The following HELT variants were observed in gnomAD, a reference collection of about 807,000 sequenced individuals.
The protein encoded by HELT is helt bHLH transcription factor.
In HELT, 9 loss-of-function variants were observed where a neutral mutation model predicts 19.5. That is an observed-to-expected ratio of 0.46 (90% CI 0.28 to 0.80). The LOEUF (loss-of-function observed/expected upper bound fraction) is 0.80, where lower values mean the gene tolerates loss of function less well. Among genes scored for constraint, HELT ranks in the 30% least tolerant of loss-of-function variants. The pLI is 0.12. For synonymous variants in HELT, 162 were observed against 148.3 expected, an observed-to-expected ratio of 1.09 and a Z score of -0.67; for missense variants, 366 against 326.3, an observed-to-expected ratio of 1.12 and a Z score of -0.94.
rs781329634 is a variant in HELT, at chr4:185,020,263, G to T, written c.230-10G>T. ...GTGTGTCCGTCCTACGGGCTTTCTCGTTCCTCCAGCAGAACTTCTAGCGGA... is the reference window on the plus strand; with the variant it reads ...GTGTGTCCGTCCTACGGGCTTTCTCTTTCCTCCAGCAGAACTTCTAGCGGA... On this transcript the variant is annotated splice_polypyrimidine_tract_variant and intron_variant, in intron 3 of 3. Coordinates refer to ENST00000515777, the MANE Select transcript of HELT (RefSeq NM_001300781.2). 3.7e-6 allele frequency: 6 copies of T among 1,609,778 alleles called. No homozygotes were observed. The highest frequency in any genetic ancestry group is 1.3e-5 in the African/African-American group (1 of 74,880).
Position 185,020,433 on chromosome 4 carries a change from G to C in HELT, c.390G>C (p.Ala130=). The change falls in exon 4 of 4, where the codon GCG becomes GCC. Residue 130 remains alanine, a synonymous_variant. Coordinates refer to ENST00000515777, the MANE Select transcript of HELT (RefSeq NM_001300781.2). ...AFLQSKARLG[A]EPAFPPLGSL... is the part of the protein sequence containing the mutation. ...TGCAGTCCAAGGCCCGCCTGGGCGC[G>C]GAGCCCGCCTTTCCGCCGCTGGGTT... is the stretch of plus-strand genomic sequence containing the variant. 1 of 1,614,130 alleles carries C rather than the reference G, an allele frequency of 6.2e-7. No homozygotes were observed. The highest frequency in any genetic ancestry group is 8.5e-7 in the Non-Finnish European group (1 of 1,180,030).
At chr4:185,019,894 C>A in intron 3 of HELT, 51 bp downstream of exon 3, 1 of 1,515,042 alleles carries the variant, frequency 6.6e-7, no homozygotes, top group South Asian at 1.2e-5. Flanking sequence ...CTGCGCCACC[C>A]AGAGACCCTG....
chr4:185,020,563 G>A lies in HELT; in HGVS notation c.520G>A (p.Gly174Arg), dbSNP rs967610612. ...TGTGTTCCCGCAGGGCTCTGGTGCCGGGCCTTTCCCCTGGCCGCCTGGCGC... is the reference window on the plus strand; with the variant it reads ...TGTGTTCCCGCAGGGCTCTGGTGCCAGGCCTTTCCCCTGGCCGCCTGGCGC... ...AAVFPQGSGA[G>R]PFPWPPGAAR... Residue 174 changes from glycine (G) to arginine (R), a missense_variant, in exon 4 of 4, where the codon GGG becomes AGG. Coordinates refer to ENST00000515777, the MANE Select transcript of HELT (RefSeq NM_001300781.2). The A allele has an allele frequency of 1.1e-5, 17 of 1,600,662 alleles. No homozygotes were observed. The highest frequency in any genetic ancestry group is 1.4e-5 in the Non-Finnish European group (17 of 1,177,366).
At position 185,018,897 on chromosome 4, in the gene HELT, A is replaced by G. The variant is rs1407265747; in HGVS notation, c.-32A>G. 30 of 1,553,516 alleles carry G rather than the reference A, an allele frequency of 1.9e-5. No individual in the cohort carries two copies. In the Admixed American group the frequency reaches 5.5e-4, roughly 28 times the overall value. ...GAAAAGTGGACGGGTGCCCCGCGCCACCGCCTCTCCCGAGGGCGCGTACTG... is the reference window on the plus strand; with the variant it reads ...GAAAAGTGGACGGGTGCCCCGCGCCGCCGCCTCTCCCGAGGGCGCGTACTG... On this transcript the variant is annotated 5_prime_UTR_variant, in exon 1 of 4. Coordinates refer to ENST00000515777, the MANE Select transcript of HELT (RefSeq NM_001300781.2).
rs554266648 is a variant in HELT, at chr4:185,018,533, C to G, written c.-396C>G. ...CGCCCGCGACTGCTGCAGGCGCTTG[C>G]TCGCCCGCCGGCCCCAGTTTACCGC... On this transcript the variant is annotated 5_prime_UTR_variant, in exon 1 of 4. Coordinates refer to ENST00000515777, the MANE Select transcript of HELT (RefSeq NM_001300781.2). 1.3e-5 allele frequency among the ~76,000 whole-genome samples: 2 copies of G among 152,260 alleles called. No homozygotes were observed. Among genetic ancestry groups the G allele is most frequent in the East Asian group, 3.9e-4 (2 of 5,162 alleles).
At position 185,019,508 on chromosome 4, in the gene HELT, G is replaced by A. The variant is rs1561324088; in HGVS notation, c.132+17G>A. 1.3e-6 allele frequency: 2 copies of A among 1,592,094 alleles called. No individual in the cohort carries two copies. The highest frequency in any genetic ancestry group is 8.6e-7 in the Non-Finnish European group (1 of 1,168,782). ...GCGAAGCAGGTAACGTTGGCGACCC[G>A]GAGCCGGGTGCCAGGCGTTGGGAGG... On this transcript the variant is annotated intron_variant, in intron 2 of 3. Coordinates refer to ENST00000515777, the MANE Select transcript of HELT (RefSeq NM_001300781.2).
In HELT at chr4:185,020,389, G is replaced by A. The variant is rs1265749769; in HGVS notation, c.346G>A (p.Ala116Thr). The A allele has an allele frequency of 1.9e-6, 3 of 1,614,228 alleles. No homozygotes were observed. The highest frequency in any genetic ancestry group is 2.5e-6 in the Non-Finnish European group (3 of 1,180,036). The change falls in exon 4 of 4, where the codon GCG becomes ACG. Residue 116 changes from alanine (A) to threonine (T), a missense_variant. Ala to Thr is a moderately conservative substitution (Grantham distance 58). Coordinates refer to ENST00000515777, the MANE Select transcript of HELT (RefSeq NM_001300781.2). Reference sequence around the variant, plus strand: ...GATGGAGACCAAGGACACGAAGTACGCGCGCATCCTCGCCTTCTTGCAGTC... The same window carrying A: ...GATGGAGACCAAGGACACGAAGTACACGCGCATCCTCGCCTTCTTGCAGTC... ...ERMETKDTKY[A>T]RILAFLQSKA...
chr4:185,019,709 C>T (rs781744007), intron 2 of HELT, 38 bp from the exon 3 acceptor site: 4 of 1,611,854 alleles, frequency 2.5e-6, no homozygotes, highest in South Asian at 2.2e-5. Context: ...GACCAGCAGG[C>T]GCTGGGCCGC....
Position 185,019,498 on chromosome 4 carries a change from T to C in HELT, c.132+7T>C, listed in dbSNP as rs776207997. On this transcript the variant is annotated splice_region_variant and intron_variant, in intron 2 of 3. Coordinates refer to ENST00000515777, the MANE Select transcript of HELT (RefSeq NM_001300781.2). ...CATGGCCTTGGCGAAGCAGGTAACGTTGGCGACCCGGAGCCGGGTGCCAGG... is the reference window on the plus strand; with the variant it reads ...CATGGCCTTGGCGAAGCAGGTAACGCTGGCGACCCGGAGCCGGGTGCCAGG... 3.1e-6 allele frequency: 5 copies of C among 1,602,290 alleles called. No homozygotes were observed. The highest frequency in any genetic ancestry group is 4.3e-6 in the Non-Finnish European group (5 of 1,174,220).
At chr4:185,019,523 G>C (rs772701579) in intron 2 of HELT, 32 bp downstream of exon 2, 11 of 1,576,154 alleles carry the variant, frequency 7.0e-6, no homozygotes, top group Non-Finnish European at 9.5e-6. Context: ...CGGGTGCCAG[G>C]CGTTGGGAGG....
At position 185,019,208 on chromosome 4, in the gene HELT, C is replaced by A. The variant is rs1474089341; in HGVS notation, c.28-179C>A. ...GGTGGCTGGAAGGGGAGCGCGCCAG[C>A]GCGGGCGTCAGAAGGCAGAGCTCAC... On this transcript the variant is annotated intron_variant, in intron 1 of 3. Coordinates refer to ENST00000515777, the MANE Select transcript of HELT (RefSeq NM_001300781.2). 3.0e-6 allele frequency: 4 copies of A among 1,333,846 alleles called. No homozygotes were observed. In the African/African-American group the frequency reaches 4.4e-5, roughly 15 times the overall value. 82.6% of individuals were successfully genotyped at this position (1,333,846 alleles called of 1,614,324 possible).
intron 1 of HELT, 66 bp downstream of exon 1, chr4:185,019,021 C>G (rs773375135): frequency 6.2e-7 from 1 of 1,613,970 alleles, no homozygotes; most frequent in African/African-American, 1.3e-5. Flanking sequence ...CACCGACCCG[C>G]CACTTGGGTG....
chr4:185,019,372 A>G lies in HELT; in HGVS notation c.28-15A>G, dbSNP rs1338532848. On this transcript the variant is annotated splice_polypyrimidine_tract_variant and intron_variant, in intron 1 of 3. Transcript: ENST00000515777. The stretch of plus-strand genomic sequence containing the variant: ...CGGGCAAAGCCATCCTAAACATACA[A>G]CCCTCTCTTCGCAGAGAACCCCCGT... 3 of 1,597,218 alleles carry G rather than the reference A, an allele frequency of 1.9e-6. No individual in the cohort carries two copies. The highest frequency in any genetic ancestry group is 1.3e-5 in the African/African-American group (1 of 74,378).
chr4:185,018,913 G>A lies in HELT; in HGVS notation c.-16G>A, dbSNP rs756026341. 3 of 1,586,892 alleles carry A rather than the reference G, an allele frequency of 1.9e-6. No individual in the cohort carries two copies. The East Asian group carries it at 6.8e-5, about 36-fold the overall frequency. ...CCCCGCGCCACCGCCTCTCCCGAGG[G>A]CGCGTACTGACCAGGATGTCAGACA... On this transcript the variant is annotated 5_prime_UTR_variant, in exon 1 of 4. Transcript: ENST00000515777.
In HELT at chr4:185,020,610, C is replaced by G; in HGVS notation, c.567C>G (p.Pro189=). 1 of 1,599,780 alleles carries G rather than the reference C, an allele frequency of 6.3e-7. No homozygotes were observed. The stretch of plus-strand genomic sequence containing the variant: ...GCGCGGCCCGCAGCCCCGCGCTGCC[C>G]TACCTGCCCAGCGCGCCAGTGCCGC... The part of the protein sequence containing the change: ...PPGAARSPAL[P]YLPSAPVPLA... The change falls in exon 4 of 4, where the codon CCC becomes CCG. Residue 189 remains proline (P), a synonymous_variant. Transcript: ENST00000515777.
In HELT at chr4:185,020,747, C is replaced by G. The variant is rs146842487; in HGVS notation, c.704C>G (p.Thr235Arg). 7 of 1,544,254 alleles carry G rather than the reference C, an allele frequency of 4.5e-6. No individual in the cohort carries two copies. The highest frequency in any genetic ancestry group is 2.3e-5 in the East Asian group (1 of 43,516). ...HAHPNALNLHTPQHPPVL is the reference protein window; with the variant it reads ...HAHPNALNLHRPQHPPVL The stretch of plus-strand genomic sequence containing the variant: ...CACCCCAACGCCCTTAACCTGCACA[C>G]GCCCCAGCACCCCCCGGTGCTCTGA... Residue 235 changes from threonine to arginine, a missense_variant, in exon 4 of 4, where the codon ACG becomes AGG. Physicochemically the swap from Thr to Arg is moderately conservative, Grantham distance 71 (BLOSUM62 -1). Coordinates refer to ENST00000515777, the MANE Select transcript of HELT (RefSeq NM_001300781.2).
At position 185,020,593 on chromosome 4, in the gene HELT, C is replaced by T. The variant is rs776114716; in HGVS notation, c.550C>T (p.Arg184Cys). ...GPFPWPPGAARSPALPYLPSA... is the reference protein window; with the variant it reads ...GPFPWPPGAACSPALPYLPSA... ...TTTCCCCTGGCCGCCTGGCGCGGCC[C>T]GCAGCCCCGCGCTGCCCTACCTGCC... The change falls in exon 4 of 4, where the codon CGC becomes TGC. Residue 184 changes from arginine (R) to cysteine (C), a missense_variant. By Grantham distance (180) the Arg-to-Cys change is radical. Coordinates refer to ENST00000515777, the MANE Select transcript of HELT (RefSeq NM_001300781.2). The T allele has an allele frequency of 1.7e-5, 27 of 1,594,172 alleles. No homozygotes were observed. Among genetic ancestry groups the T allele is most frequent in the Middle Eastern group, 1.8e-4 (1 of 5,528 alleles).
In HELT at chr4:185,018,504, T is replaced by C. The variant is rs1473122303; in HGVS notation, c.-425T>C. ...GCCCGCGGCCGCTGCGCCCCTGCGC[T>C]CCGCGCCCGCGACTGCTGCAGGCGC... On this transcript the variant is annotated 5_prime_UTR_variant, in exon 1 of 4. Transcript: ENST00000515777. Among the ~76,000 whole-genome samples the C allele has an allele frequency of 8.5e-5, 13 of 152,108 alleles. No homozygotes were observed. The highest frequency in any genetic ancestry group is 5.9e-4 in the Admixed American group (9 of 15,282).
chr4:185,020,814 T>C lies in HELT; in HGVS notation c.*42T>C, dbSNP rs1734058515. The C allele has an allele frequency of 6.7e-7, 1 of 1,493,702 alleles. No homozygotes were observed. Among genetic ancestry groups the C allele is most frequent in the South Asian group, 1.4e-5 (1 of 73,784 alleles). The allele number at this position is 1,493,702 out of a possible 1,614,324, so 92.5% of individuals were successfully genotyped here. On this transcript the variant is annotated 3_prime_UTR_variant, in exon 4 of 4. Coordinates refer to ENST00000515777, the MANE Select transcript of HELT (RefSeq NM_001300781.2). ...AGATTTCTCCTCGCTTTGGGCGCTT[T>C]TAGGAGAAATGCTGTATATATTGTA...
Sources: allele counts gnomAD v4.1 joint callset (sites outside exome capture counted in the v4.1 genomes callset), GRCh38; gene constraint gnomAD v4.1.1; transcripts MANE v1.5; gene names NCBI Gene and HGNC (gene_info 2026-07-23, HGNC 2026-07-21).